Variants in SH3BP4 observed in about 807,000 individuals in gnomAD.
The protein encoded by SH3BP4 is SH3 domain-binding protein 4.
SH3BP4 carries 33 observed loss-of-function variants against 65.5 expected under a neutral mutation model. That is an observed-to-expected ratio of 0.50 (90% CI 0.38 to 0.67). The LOEUF is 0.67. SH3BP4 is among the 30% of genes least tolerant of loss of function. The pLI is 0.00. For missense variants in SH3BP4, 1,134 were observed against 1,261.4 expected (o/e 0.90, Z 1.53); for synonymous variants, 552 against 545.5 (o/e 1.01, Z -0.17).
At position 235,041,709 on chromosome 2, in the gene SH3BP4, G is replaced by C. The variant is rs1574844695; in HGVS notation, c.940G>C (p.Ala314Pro). The C allele has an allele frequency of 6.2e-7, 1 of 1,612,268 alleles. No homozygotes were observed. The highest frequency in any genetic ancestry group is 8.5e-7 in the Non-Finnish European group (1 of 1,178,934). ...AAGCCCTGGTTGGGGCCAGACCCAAGCCGTGGAGACAAACATCGTGTGCAA... is the reference window on the plus strand; with the variant it reads ...AAGCCCTGGTTGGGGCCAGACCCAACCCGTGGAGACAAACATCGTGTGCAA... ...GQSPGWGQTQ[A>P]VETNIVCKLD... Residue 314 changes from alanine to proline, a missense_variant, in exon 4 of 6, where the codon GCC (alanine) becomes CCC (proline). Transcript: ENST00000392011. This position sits in a 1 kb window ranked among gnomAD's most constrained non-coding sequence, Gnocchi z 6.0.
Position 234,967,326 on chromosome 2 carries a change from C to T in SH3BP4, c.-207+15156C>T, listed in dbSNP as rs1388593378. Among the ~76,000 whole-genome samples, 1 of 152,048 alleles carries T rather than the reference C, an allele frequency of 6.6e-6. No individual in the cohort carries two copies. The highest frequency in any genetic ancestry group is 2.4e-5 in the African/African-American group (1 of 41,414). On this transcript the variant is annotated intron_variant, in intron 1 of 5. Transcript: ENST00000392011. The surrounding 1 kb of genome is among the most constrained non-coding windows in gnomAD (Gnocchi z 4.6). ...GTAGGGAACCTGAGGTCGCAGATGA[C>T]GTGTGAGGGTGGGCGGGAGGTTGCC...
rs577007386 is a variant in SH3BP4 at position 235,008,025 on chromosome 2, G to C, written c.-133+12649G>C. ...GTGAGCTGCACCCCTGTGGGAAAGGGAGAGTCGCAGCTGGGTGGCTTGGAG... is the reference window on the plus strand; with the variant it reads ...GTGAGCTGCACCCCTGTGGGAAAGGCAGAGTCGCAGCTGGGTGGCTTGGAG... On this transcript the variant is annotated intron_variant, in intron 2 of 5. Transcript: ENST00000392011. Among the ~76,000 whole-genome samples the C allele has an allele frequency of 1.5e-3, 233 of 152,306 alleles. 1 individual carries two copies. The highest frequency in any genetic ancestry group is 5.4e-3 in the African/African-American group (225 of 41,578).
chr2:234,954,928 C>G (rs1201310768), intron 1 of SH3BP4, among the ~76,000 whole-genome samples: 1 of 152,178 alleles, frequency 6.6e-6, no homozygotes, highest in African/African-American at 2.4e-5. Context: ...TCCAGGCAGA[C>G]CTCCCAGTTC....
In SH3BP4 at chr2:235,038,032, A is replaced by G. The variant is rs150430360; in HGVS notation, c.119-2856A>G. ...ATGCACGATGATCATTCATTCCACA[A>G]ATACTCATTGAGTCCCCGCTACGCG... On this transcript the variant is annotated intron_variant, in intron 3 of 5. Coordinates refer to ENST00000392011, the MANE Select transcript of SH3BP4 (RefSeq NM_014521.3). Among the ~76,000 whole-genome samples the G allele has an allele frequency of 4.6e-3, 692 of 151,192 alleles. 6 individuals are homozygous for G. The highest frequency in any genetic ancestry group is 8.3e-3 in the Non-Finnish European group (563 of 67,922).
At chr2:234,971,116 T>C (rs147789552) in intron 1 of SH3BP4, among the ~76,000 whole-genome samples, 59 of 152,346 alleles carry the variant, frequency 3.9e-4, no homozygotes, top group African/African-American at 1.4e-3. Flanking sequence ...AGCAGAATCT[T>C]CACACCTTTT....
chr2:234,960,994 C>T (rs1559223565), intron 1 of SH3BP4, among the ~76,000 whole-genome samples: 1 of 152,160 alleles, frequency 6.6e-6, no homozygotes, highest in African/African-American at 2.4e-5. Flanking sequence ...CTCCATGGCT[C>T]TTTGTTGGGA....
At position 234,977,956 on chromosome 2, in the gene SH3BP4, T is replaced by C. The variant is rs1376798330; in HGVS notation, c.-206-17347T>C. On this transcript the variant is annotated intron_variant, in intron 1 of 5. Transcript: ENST00000392011. The surrounding 1 kb of genome is among the most constrained non-coding windows in gnomAD (Gnocchi z 5.1). ...TGGATGGTCTGTTTCTATTTTATTT[T>C]ATTTTTTACTTTTTTTGAGACAGAG... 6.6e-6 allele frequency among the ~76,000 whole-genome samples: 1 copy of C among 152,178 alleles called. No individual in the cohort carries two copies. The highest frequency in any genetic ancestry group is 2.4e-5 in the African/African-American group (1 of 41,452).
chr2:234,958,953 G>A (rs1171232998), intron 1 of SH3BP4, among the ~76,000 whole-genome samples: 1 of 152,076 alleles, frequency 6.6e-6, no homozygotes, highest in Non-Finnish European at 1.5e-5. Context: ...TAGCAGGGGC[G>A]GAAAATTCTC....
intron 2 of SH3BP4, among the ~76,000 whole-genome samples, chr2:235,029,196 C>A (rs1222270435): frequency 1.3e-5 from 2 of 152,090 alleles, no homozygotes; most frequent in Admixed American, 6.6e-5. Context: ...GGTGGAGCCA[C>A]CAGGAGTGCA....
At chr2:235,051,223 C>T (rs974260747) in intron 4 of SH3BP4, among the ~76,000 whole-genome samples, 6 of 152,164 alleles carry the variant, frequency 3.9e-5, no homozygotes, top group Admixed American at 1.3e-4. Flanking sequence ...ATTAGGATGG[C>T]GCCAGAGTCG....
At position 235,034,599 on chromosome 2, in the gene SH3BP4, C is replaced by A. The variant is rs536869965; in HGVS notation, c.-132-272C>A. Among the ~76,000 whole-genome samples the A allele has an allele frequency of 2.1e-3, 326 of 152,336 alleles. 1 individual carries two copies. Among genetic ancestry groups the A allele is most frequent in the African/African-American group, 7.2e-3 (298 of 41,590 alleles). ...GGTGCTGGAGCACATTTCGCAAACA[C>A]CCTTACGCCCCTAAGAAGAGCAGGT... On this transcript the variant is annotated intron_variant, in intron 2 of 5. Transcript: ENST00000392011. The surrounding 1 kb of genome is among the most constrained non-coding windows in gnomAD (Gnocchi z 6.2).
At chr2:235,013,277 C>G (rs1490751117) in intron 2 of SH3BP4, among the ~76,000 whole-genome samples, 7 of 152,186 alleles carry the variant, frequency 4.6e-5, no homozygotes, top group Non-Finnish European at 7.3e-5. Flanking sequence ...TTCCTCCCTT[C>G]TGTGCAGAAG....
At chr2:234,953,568 C>T (rs552058671) in intron 1 of SH3BP4, among the ~76,000 whole-genome samples, 12 of 152,298 alleles carry the variant, frequency 7.9e-5, no homozygotes, top group African/African-American at 2.9e-4. Context: ...GTTTTGGTTC[C>T]TTGCCTTGTA....
chr2:235,046,874 T>C lies in SH3BP4; in HGVS notation c.2478+3627T>C, dbSNP rs4663539. On this transcript the variant is annotated intron_variant, in intron 4 of 5. Coordinates refer to ENST00000392011, the MANE Select transcript of SH3BP4 (RefSeq NM_014521.3). This position sits in a 1 kb window ranked among gnomAD's most constrained non-coding sequence, Gnocchi z 4.2. ...CCATTTCCTCTTTCCATTCTTTTTG[T>C]GCCTGTTTTTGATAGAGTCCGTGTG... is the stretch of plus-strand genomic sequence containing the variant. Among the ~76,000 whole-genome samples, 88,499 of 151,998 alleles carry C rather than the reference T, an allele frequency of 0.58. 27,239 individuals carry two copies. The highest frequency in any genetic ancestry group is 0.9 in the East Asian group (4,624 of 5,160).
At chr2:234,989,254 G>A (rs1186088862) in intron 1 of SH3BP4, among the ~76,000 whole-genome samples, 6 of 152,206 alleles carry the variant, frequency 3.9e-5, no homozygotes, top group African/African-American at 1.4e-4. Flanking sequence ...GGAGGATGGC[G>A]TCACTGTGCT....
At chr2:235,003,341 C>A (rs992114654) in intron 2 of SH3BP4, among the ~76,000 whole-genome samples, 1 of 152,244 alleles carries the variant, frequency 6.6e-6, no homozygotes, top group African/African-American at 2.4e-5. Context: ...CCTACAAACG[C>A]AGGCCACTGA....
At chr2:235,050,888 A>G (rs1163357791) in intron 4 of SH3BP4, among the ~76,000 whole-genome samples, 1 of 152,144 alleles carries the variant, frequency 6.6e-6, no homozygotes, top group East Asian at 1.9e-4. Flanking sequence ...TCCTAAAATG[A>G]CAACCTCAGG....
chr2:235,032,358 G>A (rs532762499), intron 2 of SH3BP4, among the ~76,000 whole-genome samples: 14 of 152,364 alleles, frequency 9.2e-5, no homozygotes, highest in Non-Finnish European at 1.8e-4. Context: ...TACCAGTTGT[G>A]GGCTGGAGAT....
intron 4 of SH3BP4, 48 bp downstream of exon 4, chr2:235,043,295 A>G: frequency 6.8e-7 from 1 of 1,468,080 alleles, no homozygotes; most frequent in Non-Finnish European, 9.2e-7. Flanking sequence ...TGCTCAGCAA[A>G]GCCTTTCCGC....
Sources: gnomAD v4.1 joint callset for allele counts (sites outside exome capture counted in the v4.1 genomes callset) on GRCh38, gnomAD v4.1.1 for gene constraint, Gnocchi (gnomAD v3.1) non-coding constraint, MANE v1.5 for transcripts, NCBI Gene and HGNC (gene_info 2026-07-23, HGNC 2026-07-21) for gene names.